Variants in RARB observed in about 807,000 individuals in gnomAD.
RARB encodes HBV-activated protein.
RARB carries 17 observed loss-of-function variants against 51.9 expected under a neutral mutation model. The ratio of observed to expected loss-of-function variants is 0.33; its 90% CI spans 0.22 to 0.49. The LOEUF (loss-of-function observed/expected upper bound fraction) is 0.49, where lower values mean the gene tolerates loss of function less well. Ranked by LOEUF, RARB falls within the 20% of genes least tolerant of loss-of-function variation. RARB has a pLI of 0.99. For synonymous variants in RARB, 215 were observed against 195.4 expected, an observed-to-expected ratio of 1.10 and a Z score of -0.84; for missense variants, 369 against 550.8, an observed-to-expected ratio of 0.67 and a Z score of 3.30.
intron 1 of RARB, among the ~76,000 whole-genome samples, chr3:24,854,995 C>G (rs1341638971): frequency 6.6e-6 from 1 of 152,122 alleles, no homozygotes; most frequent in Non-Finnish European, 1.5e-5. Context: ...GAATTACCAT[C>G]CTAGCAGAGA....
At chr3:25,120,382 T>C (rs961950922) in intron 3 of RARB, among the ~76,000 whole-genome samples, 21 of 152,060 alleles carry the variant, frequency 1.4e-4, no homozygotes, top group Non-Finnish European at 1.5e-5. Context: ...TAAAGCCATG[T>C]CCTCCAACTT....
intron 3 of RARB, among the ~76,000 whole-genome samples, chr3:25,565,214 C>T (rs903547187): frequency 6.6e-6 from 1 of 152,198 alleles, no homozygotes; most frequent in Non-Finnish European, 1.5e-5. Context: ...GTATCACTCA[C>T]AGGATGCATG....
At chr3:25,217,514 C>A (rs1177476431) in intron 5 of RARB, among the ~76,000 whole-genome samples, 5 of 151,612 alleles carry the variant, frequency 3.3e-5, no homozygotes, top group African/African-American at 1.2e-4. Context: ...CAATTCTGAT[C>A]CTTGAAAGTT....
intron 2 of RARB, among the ~76,000 whole-genome samples, chr3:25,486,538 G>C (rs1696482036): frequency 6.6e-6 from 1 of 152,132 alleles, no homozygotes; most frequent in Non-Finnish European, 1.5e-5. Flanking sequence ...GCCAGGCAAG[G>C]TGCTGGATTT....
chr3:25,573,046 C>A lies in RARB; in HGVS notation c.609+3128C>A, dbSNP rs1206418516. Among the ~76,000 whole-genome samples, 3 of 152,202 alleles carry A rather than the reference C, an allele frequency of 2.0e-5. No individual in the cohort carries two copies. The East Asian group carries it at 5.8e-4, about 29-fold the overall frequency. ...GGTCCCTCACCACTGATGAGCAGAA[C>A]GTGGAGAGATAAACCCCCCCAGCTT... On this transcript the variant is annotated intron_variant, in intron 4 of 7. Transcript: ENST00000330688.
At chr3:25,562,199 T>C (rs953908993) in intron 3 of RARB, among the ~76,000 whole-genome samples, 6 of 152,122 alleles carry the variant, frequency 3.9e-5, no homozygotes, top group Non-Finnish European at 7.3e-5. Flanking sequence ...AAGAATTTCC[T>C]GCCTATGAAA....
At chr3:25,077,867 C>A (rs536889656) in intron 3 of RARB, among the ~76,000 whole-genome samples, 1 of 152,080 alleles carries the variant, frequency 6.6e-6, no homozygotes, top group Non-Finnish European at 1.5e-5. Flanking sequence ...TGTGATTCTT[C>A]GTAATTGTAG....
chr3:24,921,082 T>C (rs754566166), intron 2 of RARB, among the ~76,000 whole-genome samples: 10 of 152,182 alleles, frequency 6.6e-5, no homozygotes, highest in African/African-American at 2.4e-4. Flanking sequence ...CTGTCTGTTC[T>C]ATAGACAGTG....
chr3:24,840,219 G>C (rs1380540578), intron 1 of RARB, among the ~76,000 whole-genome samples: 1 of 152,130 alleles, frequency 6.6e-6, no homozygotes. Context: ...TGGACACCTG[G>C]CATCTTATCA....
At chr3:25,497,865 T>C (rs1297135793) in intron 2 of RARB, among the ~76,000 whole-genome samples, 1 of 152,106 alleles carries the variant, frequency 6.6e-6, no homozygotes, top group Non-Finnish European at 1.5e-5. Context: ...AGTTTGGGGG[T>C]TCTAATTTTA....
intron 3 of RARB, among the ~76,000 whole-genome samples, chr3:25,125,423 A>G (rs1329139123): frequency 6.6e-6 from 1 of 152,206 alleles, no homozygotes; most frequent in African/African-American, 2.4e-5. Flanking sequence ...GAGCACAAGC[A>G]AATAAAGACA....
At chr3:25,262,203 C>G (rs1055717102) in intron 5 of RARB, among the ~76,000 whole-genome samples, 40 of 152,108 alleles carry the variant, frequency 2.6e-4, no homozygotes, top group African/African-American at 8.9e-4. Context: ...ACCAAAAGGT[C>G]TTTTTCCAAA....
At chr3:25,145,099 G>A (rs1384355647) in intron 4 of RARB, among the ~76,000 whole-genome samples, 1 of 152,154 alleles carries the variant, frequency 6.6e-6, no homozygotes, top group Non-Finnish European at 1.5e-5. Context: ...AGACTGAGTT[G>A]TCTCAGCATC....
chr3:25,487,887 G>C (rs1014345751), intron 2 of RARB, among the ~76,000 whole-genome samples: 7 of 152,182 alleles, frequency 4.6e-5, no homozygotes, highest in African/African-American at 1.7e-4. Context: ...AACTTCAGGT[G>C]ATGTTGAAAA....
At chr3:24,839,646 G>A (rs1299090419) in intron 1 of RARB, among the ~76,000 whole-genome samples, 1 of 139,434 alleles carries the variant, frequency 7.2e-6, no homozygotes, top group Non-Finnish European at 1.5e-5. Flanking sequence ...GGCAGAGGTT[G>A]CAGTGAGCCG....
chr3:25,447,851 T>C (rs1709016220), intron 1 of RARB, among the ~76,000 whole-genome samples: 1 of 151,948 alleles, frequency 6.6e-6, no homozygotes. Flanking sequence ...GGGAAAATTA[T>C]TTTGAGAGGG....
At chr3:25,536,444 A>T (rs1400440513) in intron 3 of RARB, among the ~76,000 whole-genome samples, 1 of 152,234 alleles carries the variant, frequency 6.6e-6, no homozygotes, top group Non-Finnish European at 1.5e-5. Context: ...AATTCATTAC[A>T]ACCTCATAAG....
chr3:25,240,765 C>T (rs1463874089), intron 5 of RARB, among the ~76,000 whole-genome samples: 1 of 152,036 alleles, frequency 6.6e-6, no homozygotes, highest in Non-Finnish European at 1.5e-5. Flanking sequence ...GCGTCTGTGT[C>T]TATCAGGGAT....
At chr3:25,449,495 C>A (rs554966245) in intron 1 of RARB, among the ~76,000 whole-genome samples, 1 of 152,136 alleles carries the variant, frequency 6.6e-6, no homozygotes, top group Non-Finnish European at 1.5e-5. Flanking sequence ...ACGTACCCTG[C>A]ATACTCTAAA....
Sources: allele counts gnomAD v4.1 joint callset (sites outside exome capture counted in the v4.1 genomes callset), GRCh38; gene constraint gnomAD v4.1.1; transcripts MANE v1.5; gene names NCBI Gene and HGNC (gene_info 2026-07-23, HGNC 2026-07-21).